The following KLF9 variants were observed in gnomAD, a reference collection of about 807,000 sequenced individuals.
The protein encoded by KLF9 is Krueppel-like factor 9.
In KLF9, 2 loss-of-function variants were observed where a neutral mutation model predicts 17.3. That is an observed-to-expected ratio of 0.12 (90% CI 0.05 to 0.36). The LOEUF is 0.36. KLF9 is among the 10% of genes least tolerant of loss of function. The pLI, the probability that KLF9 is intolerant of heterozygous loss-of-function variation, is 1.00. For missense variants in KLF9, 226 were observed against 333.2 expected, an observed-to-expected ratio of 0.68 and a Z score of 2.51; for synonymous variants, 138 against 139.2, an observed-to-expected ratio of 0.99 and a Z score of 0.06.
At chr9:70,397,101 T>C (rs2037185851) in intron 1 of KLF9, among the ~76,000 whole-genome samples, 1 of 152,192 alleles carries the variant, frequency 6.6e-6, no homozygotes, top group Admixed American at 6.5e-5. Context: ...ACTGGGACAC[T>C]TCAGTAAGTG....
At chr9:70,407,458 A>G (rs2037263848) in intron 1 of KLF9, among the ~76,000 whole-genome samples, 1 of 152,158 alleles carries the variant, frequency 6.6e-6, no homozygotes, top group Non-Finnish European at 1.5e-5. Context: ...CACGCACAGA[A>G]GATGTGAGAG....
At position 70,413,131 on chromosome 9, in the gene KLF9, G is replaced by C; in HGVS notation, c.233C>G (p.Thr78Ser). ...LDLNKYRPIQ[T>S]PSVCSDSLES... ...CAGACTGTCGCTGCACACGGAGGGG[G>C]TCTGGATGGGTCGGTACTTGTTCAG... is the stretch of plus-strand genomic sequence containing the variant. The change falls in exon 1 of 2, where the codon ACC becomes AGC. Residue 78 changes from threonine to serine, a missense_variant. By Grantham distance (58) the Thr-to-Ser change is moderately conservative. Transcript: ENST00000377126. This position sits in a 1 kb window ranked among gnomAD's most constrained non-coding sequence, Gnocchi z 5.6. 6.2e-7 allele frequency: 1 copy of C among 1,614,198 alleles called. No homozygotes were observed. The highest frequency in any genetic ancestry group is 8.5e-7 in the Non-Finnish European group (1 of 1,180,038).
chr9:70,399,103 G>C (rs562519860), intron 1 of KLF9, among the ~76,000 whole-genome samples: 1 of 152,306 alleles, frequency 6.6e-6, no homozygotes, highest in African/African-American at 2.4e-5. Context: ...CCAAAGTGCT[G>C]GGATTACAGC....
At chr9:70,391,624 G>A (rs567194504) in intron 1 of KLF9, among the ~76,000 whole-genome samples, 1 of 152,070 alleles carries the variant, frequency 6.6e-6, no homozygotes, top group Non-Finnish European at 1.5e-5. Context: ...TAGTATAAAA[G>A]GCCCGGGATC....
rs1014482927 is a variant in KLF9 at position 70,404,613 on chromosome 9, A to C, written c.505+8246T>G. On this transcript the variant is annotated intron_variant, in intron 1 of 1. Transcript: ENST00000377126. ...GAGTGAGACTCAGTCTCAAAATCAT[A>C]ATAATAATAATAATAAATAATTGAA... is the stretch of plus-strand genomic sequence containing the variant. 3.3e-5 allele frequency among the ~76,000 whole-genome samples: 5 copies of C among 151,908 alleles called. No homozygotes were observed. The East Asian group carries it at 5.8e-4, about 18-fold the overall frequency.
chr9:70,392,453 GAAAAATCTCCCACCTTTTTAATA>G (rs1564086164), intron 1 of KLF9, among the ~76,000 whole-genome samples: 1 of 152,252 alleles, frequency 6.6e-6, no homozygotes, highest in South Asian at 2.1e-4. Context: ...GTAGCCCTTT[GAAAAATCTCCCACCTTTTTAATA>G]CAGTGGAGAG....
rs957857404 is a variant in KLF9 at position 70,414,243 on chromosome 9, C to A, written c.-880G>T. On this transcript the variant is annotated 5_prime_UTR_variant, in exon 1 of 2. Coordinates refer to ENST00000377126, the MANE Select transcript of KLF9 (RefSeq NM_001206.4). ...CTCGCGGTCCCGTGGCCGGTCCGGG[C>A]CTCCTGGCTCACGTTCCAGCTTGCG... is the stretch of plus-strand genomic sequence containing the variant. 2.0e-5 allele frequency: 3 copies of A among 152,284 alleles called. No individual in the cohort carries two copies. Among genetic ancestry groups the A allele is most frequent in the Non-Finnish European group, 4.4e-5 (3 of 68,080 alleles). 9.4% of individuals were successfully genotyped at this position (152,284 alleles called of 1,614,324 possible). A position where few individuals can be genotyped will look rare whatever the true frequency, so the allele number is the denominator to read the frequency against.
intron 1 of KLF9, among the ~76,000 whole-genome samples, chr9:70,402,847 G>A (rs1298617674): frequency 6.6e-6 from 1 of 152,096 alleles, no homozygotes; most frequent in African/African-American, 2.4e-5. Context: ...AAATCCTGTT[G>A]GTAGTTATAA....
intron 1 of KLF9, among the ~76,000 whole-genome samples, chr9:70,406,795 G>A (rs964301493): frequency 3.9e-5 from 6 of 152,006 alleles, no homozygotes; most frequent in Non-Finnish European, 7.4e-5. Flanking sequence ...AAAGGTGGGA[G>A]GGTCGGATGT....
At chr9:70,410,457 G>C (rs1329264242) in intron 1 of KLF9, among the ~76,000 whole-genome samples, 1 of 152,208 alleles carries the variant, frequency 6.6e-6, no homozygotes, top group Non-Finnish European at 1.5e-5. Flanking sequence ...GTTCCTCCCA[G>C]CACACTACAG....
intron 1 of KLF9, among the ~76,000 whole-genome samples, chr9:70,401,900 A>T (rs1407970848): frequency 1.3e-5 from 2 of 151,742 alleles, no homozygotes; most frequent in African/African-American, 4.8e-5. Context: ...CTGTAGTCCC[A>T]GCTACTCAGG....
At position 70,413,585 on chromosome 9, in the gene KLF9, A is replaced by C; in HGVS notation, c.-222T>G. ...GGCAGCGCCTCCGCACGCAGCATCC[A>C]CGGCCCCGGGCTCCGCCGCGCCGCC... On this transcript the variant is annotated 5_prime_UTR_variant, in exon 1 of 2. Coordinates refer to ENST00000377126, the MANE Select transcript of KLF9 (RefSeq NM_001206.4). This position sits in a 1 kb window ranked among gnomAD's most constrained non-coding sequence, Gnocchi z 5.6. 66 of 197,710 alleles carry C rather than the reference A, an allele frequency of 3.3e-4. No individual in the cohort carries two copies. The highest frequency in any genetic ancestry group is 1.1e-3 in the East Asian group (8 of 7,106). 12.2% of individuals were successfully genotyped at this position (197,710 alleles called of 1,614,324 possible).
chr9:70,392,632 A>G (rs1309117898), intron 1 of KLF9, among the ~76,000 whole-genome samples: 3 of 152,212 alleles, frequency 2.0e-5, no homozygotes, highest in African/African-American at 7.2e-5. Context: ...AGACGAGAAC[A>G]GAATTAAGGC....
At chr9:70,401,168 CAAAAAA>C (rs199648240) in intron 1 of KLF9, among the ~76,000 whole-genome samples, 7 of 116,028 alleles carry the variant, frequency 6.0e-5, no homozygotes, top group Admixed American at 8.4e-5. Context: ...ATCCCATCTC[CAAAAAA>C]AAAAAAAAAA....
chr9:70,408,081 G>A (rs1337576678), intron 1 of KLF9, among the ~76,000 whole-genome samples: 2 of 152,168 alleles, frequency 1.3e-5, no homozygotes, highest in African/African-American at 2.4e-5. Flanking sequence ...GAATTAAAAT[G>A]TAATGGGGGA....
Position 70,413,124 on chromosome 9 carries a change from G to C in KLF9, c.240C>G (p.Ser80=). 8 of 1,614,166 alleles carry C rather than the reference G, an allele frequency of 5.0e-6. No individual in the cohort carries two copies. Among genetic ancestry groups the C allele is most frequent in the Non-Finnish European group, 6.8e-6 (8 of 1,180,028 alleles). The change falls in exon 1 of 2, where the codon TCC becomes TCG. Residue 80 remains serine, a synonymous_variant. Coordinates refer to ENST00000377126, the MANE Select transcript of KLF9 (RefSeq NM_001206.4). The surrounding 1 kb of genome is among the most constrained non-coding windows in gnomAD (Gnocchi z 5.6). ...GACTTTCCAGACTGTCGCTGCACAC[G>C]GAGGGGGTCTGGATGGGTCGGTACT... is the stretch of plus-strand genomic sequence containing the variant. ...LNKYRPIQTP[S]VCSDSLESPD...
rs1457501581 is a variant in KLF9, at chr9:70,387,404, C to A, written c.*372G>T. The A allele has an allele frequency of 7.8e-6, 2 of 257,654 alleles. No individual in the cohort carries two copies. The highest frequency in any genetic ancestry group is 7.7e-6 in the Non-Finnish European group (1 of 130,366). 16.0% of individuals were successfully genotyped at this position (257,654 alleles called of 1,614,324 possible). A position where few individuals can be genotyped will look rare whatever the true frequency, so the allele number is the denominator to read the frequency against. On this transcript the variant is annotated 3_prime_UTR_variant, in exon 2 of 2. Transcript: ENST00000377126. Reference sequence around the variant, plus strand: ...CCAGTGTTGAATCTTTAAAATTCTACCCCAGTCTTGGCCTTACCCCCCTCC... The same window carrying A: ...CCAGTGTTGAATCTTTAAAATTCTAACCCAGTCTTGGCCTTACCCCCCTCC...
intron 1 of KLF9, among the ~76,000 whole-genome samples, chr9:70,406,127 A>G (rs964138633): frequency 6.6e-6 from 1 of 152,198 alleles, no homozygotes; most frequent in Non-Finnish European, 1.5e-5. Context: ...AAGTGGGGGG[A>G]AAGAATTCAA....
chr9:70,389,221 CT>C (rs766558900), intron 1 of KLF9, among the ~76,000 whole-genome samples: 11 of 152,082 alleles, frequency 7.2e-5, no homozygotes, highest in East Asian at 1.9e-4. Context: ...ATATGTCTTT[CT>C]TTAATCTCTT....
Sources: allele counts gnomAD v4.1 joint callset (sites outside exome capture counted in the v4.1 genomes callset), GRCh38; gene constraint gnomAD v4.1.1; non-coding constraint Gnocchi (gnomAD v3.1); transcripts MANE v1.5; gene names NCBI Gene and HGNC (gene_info 2026-07-23, HGNC 2026-07-21).